LRRC4C: variants seen among roughly 807,000 people sequenced by gnomAD.
LRRC4C encodes the protein leucine-rich repeat-containing protein 4C.
In LRRC4C, 5 loss-of-function variants were observed where a neutral mutation model predicts 33.6. The ratio of observed to expected loss-of-function variants is 0.15; its 90% CI spans 0.08 to 0.31. The LOEUF (loss-of-function observed/expected upper bound fraction) is 0.31. Ranked by LOEUF, LRRC4C falls within the 10% of genes least tolerant of loss-of-function variation. The pLI is 1.00. For missense variants in LRRC4C, 560 were observed against 796.7 expected, an observed-to-expected ratio of 0.70 and a Z score of 3.58; for synonymous variants, 329 against 302.0, an observed-to-expected ratio of 1.09 and a Z score of -0.93.
At chr11:40,705,033 TAC>T (rs747394809) in intron 2 of LRRC4C, among the ~76,000 whole-genome samples, 2 of 151,722 alleles carry the variant, frequency 1.3e-5, no homozygotes, top group Admixed American at 1.3e-4. Flanking sequence ...TTTACACACA[TAC>T]ACACACACAC....
At chr11:41,374,442 T>C (rs1241687043) in intron 1 of LRRC4C, among the ~76,000 whole-genome samples, 1 of 152,094 alleles carries the variant, frequency 6.6e-6, no homozygotes, top group Non-Finnish European at 1.5e-5. Flanking sequence ...CTCCAACTTA[T>C]AGGATATACA....
intron 3 of LRRC4C, among the ~76,000 whole-genome samples, chr11:40,433,960 A>G (rs900455590): frequency 3.3e-5 from 5 of 152,234 alleles, no homozygotes; most frequent in Non-Finnish European, 7.3e-5. Flanking sequence ...TGATTAGACA[A>G]TCCTAAAGGT....
intron 1 of LRRC4C, among the ~76,000 whole-genome samples, chr11:41,147,059 TA>T (rs1943758702): frequency 6.6e-6 from 1 of 152,252 alleles, no homozygotes; most frequent in African/African-American, 2.4e-5. Flanking sequence ...CTAATGGAAA[TA>T]TACTTGCATT....
At chr11:40,850,918 G>C (rs1180761022) in intron 2 of LRRC4C, among the ~76,000 whole-genome samples, 1 of 151,546 alleles carries the variant, frequency 6.6e-6, no homozygotes, top group Non-Finnish European at 1.5e-5. Flanking sequence ...CAGTGGCTTT[G>C]TTTACACTAT....
intron 1 of LRRC4C, among the ~76,000 whole-genome samples, chr11:41,299,661 A>G (rs750645531): frequency 4.6e-5 from 7 of 152,144 alleles, no homozygotes; most frequent in Non-Finnish European, 1.0e-4. Context: ...AAAGCATTCT[A>G]AATTATGCAG....
intron 3 of LRRC4C, among the ~76,000 whole-genome samples, chr11:40,606,596 C>T (rs925101304): frequency 2.0e-5 from 3 of 151,400 alleles, no homozygotes; most frequent in Non-Finnish European, 4.4e-5. Flanking sequence ...AAGTACATGA[C>T]AATTCAAAAT....
intron 3 of LRRC4C, among the ~76,000 whole-genome samples, chr11:40,479,442 A>G (rs1407002125): frequency 6.6e-6 from 1 of 152,130 alleles, no homozygotes; most frequent in African/African-American, 2.4e-5. Context: ...ATGTTAGAGT[A>G]AATGCACCGA....
intron 3 of LRRC4C, among the ~76,000 whole-genome samples, chr11:40,488,514 A>G (rs17484924): frequency 0.086 from 13,094 of 152,132 alleles, 649 homozygotes; most frequent in East Asian, 0.1. Flanking sequence ...GTTCTCCAAG[A>G]ACAGGAACTT....
chr11:40,561,235 G>A (rs1245316058), intron 3 of LRRC4C, among the ~76,000 whole-genome samples: 6 of 152,030 alleles, frequency 3.9e-5, no homozygotes, highest in Non-Finnish European at 7.4e-5. Context: ...TCTAAAACCT[G>A]CTACCACTCC....
At chr11:41,273,010 G>A (rs1352668301) in intron 1 of LRRC4C, among the ~76,000 whole-genome samples, 2 of 152,142 alleles carry the variant, frequency 1.3e-5, no homozygotes, top group South Asian at 4.1e-4. Flanking sequence ...CTATGAATCA[G>A]TTACTGGTTA....
intron 2 of LRRC4C, among the ~76,000 whole-genome samples, chr11:40,906,839 AAAAAG>A (rs1956442564): frequency 6.6e-6 from 1 of 152,206 alleles, no homozygotes; most frequent in African/African-American, 2.4e-5. Flanking sequence ...TCACACACAG[AAAAAG>A]AAAAGATAAA....
chr11:41,053,592 T>G (rs1202360498), intron 1 of LRRC4C, among the ~76,000 whole-genome samples: 2 of 152,136 alleles, frequency 1.3e-5, no homozygotes, highest in Admixed American at 1.3e-4. Context: ...AACTGCTAAT[T>G]TTTTGGTAAT....
intron 3 of LRRC4C, among the ~76,000 whole-genome samples, chr11:40,459,812 A>G (rs570488698): frequency 6.6e-6 from 1 of 152,276 alleles, no homozygotes; most frequent in South Asian, 2.1e-4. Flanking sequence ...TGTTGGTGCC[A>G]CAGAGCAAGA....
At chr11:40,656,297 T>C (rs1171625257) in intron 2 of LRRC4C, among the ~76,000 whole-genome samples, 1 of 151,968 alleles carries the variant, frequency 6.6e-6, no homozygotes, top group Non-Finnish European at 1.5e-5. Flanking sequence ...GTTTTCTCCT[T>C]TTTTCCCTAA....
intron 1 of LRRC4C, among the ~76,000 whole-genome samples, chr11:41,266,351 A>T (rs1949151801): frequency 6.6e-6 from 1 of 152,142 alleles, no homozygotes; most frequent in Non-Finnish European, 1.5e-5. Flanking sequence ...ATTTGAGAAT[A>T]AGAAAAACAC....
intron 1 of LRRC4C, among the ~76,000 whole-genome samples, chr11:41,329,832 G>A (rs368065634): frequency 9.2e-5 from 14 of 152,276 alleles, no homozygotes; most frequent in African/African-American, 1.9e-4. Flanking sequence ...TTCACAGTGC[G>A]TGGACAATTC....
intron 2 of LRRC4C, among the ~76,000 whole-genome samples, chr11:40,844,006 A>G (rs1400988058): frequency 6.6e-6 from 1 of 152,146 alleles, no homozygotes; most frequent in East Asian, 1.9e-4. Context: ...AGATGCAGAT[A>G]AATTCTGAGA....
At chr11:41,302,006 C>A (rs1393282621) in intron 1 of LRRC4C, among the ~76,000 whole-genome samples, 2 of 152,064 alleles carry the variant, frequency 1.3e-5, no homozygotes, top group Non-Finnish European at 2.9e-5. Flanking sequence ...CCCTTTTACT[C>A]CTAATAATTT....
intron 2 of LRRC4C, among the ~76,000 whole-genome samples, chr11:40,824,226 A>C (rs921574310): frequency 1.3e-5 from 2 of 151,892 alleles, no homozygotes; most frequent in Non-Finnish European, 2.9e-5. Flanking sequence ...TAATGATTGT[A>C]CAATTTCATA....
Sources: allele counts gnomAD v4.1 joint callset (sites outside exome capture counted in the v4.1 genomes callset), GRCh38; gene constraint gnomAD v4.1.1; transcripts MANE v1.5; gene names NCBI Gene and HGNC (gene_info 2026-07-23, HGNC 2026-07-21).